CACNA2D3: variants seen among roughly 807,000 people sequenced by gnomAD.
CACNA2D3 encodes calcium voltage-gated channel auxiliary subunit alpha2delta 3.
In CACNA2D3, 60 loss-of-function variants were observed where a neutral mutation model predicts 160.6. The ratio of observed to expected loss-of-function variants is 0.37; its 90% CI spans 0.30 to 0.46. CACNA2D3 has a LOEUF of 0.46. Ranked by LOEUF, CACNA2D3 falls within the 20% of genes least tolerant of loss-of-function variation. CACNA2D3 has a pLI of 1.00. For missense variants in CACNA2D3, 1,205 were observed against 1,365.0 expected (o/e 0.88, Z 1.85); for synonymous variants, 558 against 492.9 (o/e 1.13, Z -1.75).
At chr3:54,905,653 A>G (rs1700435105) in intron 27 of CACNA2D3, among the ~76,000 whole-genome samples, 2 of 152,190 alleles carry the variant, frequency 1.3e-5, no homozygotes, top group Non-Finnish European at 2.9e-5. Flanking sequence ...TGGCACCATC[A>G]AAAAACATTT....
At chr3:54,672,758 G>A (rs1288550638) in intron 11 of CACNA2D3, among the ~76,000 whole-genome samples, 4 of 152,164 alleles carry the variant, frequency 2.6e-5, no homozygotes, top group Non-Finnish European at 5.9e-5. Context: ...CGGCTGTCCC[G>A]TGTGTGAGTT....
chr3:54,867,655 C>T (rs1428929205), intron 17 of CACNA2D3, among the ~76,000 whole-genome samples: 2 of 152,092 alleles, frequency 1.3e-5, no homozygotes, highest in Non-Finnish European at 2.9e-5. Context: ...TCAGGACTCT[C>T]TTCATATCTT....
chr3:54,368,911 C>G (rs1377071480), intron 3 of CACNA2D3, among the ~76,000 whole-genome samples: 1 of 151,570 alleles, frequency 6.6e-6, no homozygotes, highest in Non-Finnish European at 1.5e-5. Context: ...TTGTGTTAGC[C>G]AGGATAGTCT....
intron 11 of CACNA2D3, among the ~76,000 whole-genome samples, chr3:54,695,297 C>T (rs772827619): frequency 1.9e-4 from 29 of 152,232 alleles, no homozygotes; most frequent in Non-Finnish European, 3.1e-4. Flanking sequence ...GTATTAGAGG[C>T]ATGAGCCACC....
At chr3:54,800,484 A>G (rs1247015853) in intron 13 of CACNA2D3, among the ~76,000 whole-genome samples, 2 of 152,150 alleles carry the variant, frequency 1.3e-5, no homozygotes, top group Non-Finnish European at 2.9e-5. Context: ...TTTTAATTGG[A>G]ACCTTATTTT....
chr3:55,030,529 G>T (rs555055090), intron 35 of CACNA2D3, among the ~76,000 whole-genome samples: 144 of 152,242 alleles, frequency 9.5e-4, no homozygotes, highest in Non-Finnish European at 1.7e-3. Context: ...TTAAAAAGGG[G>T]AGGAAGAGGT....
chr3:54,239,120 G>A (rs923295038), intron 2 of CACNA2D3, among the ~76,000 whole-genome samples: 10 of 152,192 alleles, frequency 6.6e-5, no homozygotes, highest in African/African-American at 2.4e-4. Flanking sequence ...TAGGACAAAA[G>A]GCAGTATTGT....
chr3:54,888,173 C>T lies in CACNA2D3; in HGVS notation c.2150+121C>T. 3.8e-6 allele frequency: 3 copies of T among 787,238 alleles called. No individual in the cohort carries two copies. In the South Asian group the frequency reaches 5.1e-5, roughly 13 times the overall value. The allele number at this position is 787,238 out of a possible 1,614,324, so 48.8% of individuals were successfully genotyped here. ...TGGTGTTAAAGTTCTTTAATTTTCC[C>T]CCAAGCTCCAAACCACAAGAGCTAG... On this transcript the variant is annotated intron_variant, in intron 24 of 37. Transcript: ENST00000474759.
rs192025595 is a variant in CACNA2D3 at position 54,531,111 on chromosome 3, C to G, written c.544+27457C>G. The stretch of plus-strand genomic sequence containing the variant: ...GGCTTTTAAGATGTGATGGTTTGCT[C>G]TGTCTTGTGTGCTGGTCGAGGATGG... On this transcript the variant is annotated intron_variant, in intron 5 of 37. Coordinates refer to ENST00000474759, the MANE Select transcript of CACNA2D3 (RefSeq NM_018398.3). Among the ~76,000 whole-genome samples the G allele has an allele frequency of 6.4e-4, 98 of 152,382 alleles. 1 individual carries two copies. In the South Asian group the frequency reaches 0.02, roughly 31 times the overall value.
chr3:54,965,520 C>T (rs1408650108), intron 27 of CACNA2D3, among the ~76,000 whole-genome samples: 1 of 152,168 alleles, frequency 6.6e-6, no homozygotes, highest in African/African-American at 2.4e-5. Flanking sequence ...GTTCTTTATG[C>T]CTCTAGTGTA....
At chr3:54,463,784 C>G (rs1700555110) in intron 4 of CACNA2D3, among the ~76,000 whole-genome samples, 1 of 152,226 alleles carries the variant, frequency 6.6e-6, no homozygotes, top group Admixed American at 6.5e-5. Context: ...CAAAGTCATT[C>G]TCCATCCAGC....
intron 27 of CACNA2D3, among the ~76,000 whole-genome samples, chr3:54,941,502 A>G (rs893518632): frequency 2.0e-5 from 3 of 152,072 alleles, no homozygotes; most frequent in African/African-American, 4.8e-5. Context: ...TTCATTGTTC[A>G]TCGTTTTTAT....
Position 54,933,101 on chromosome 3 carries a change from CTTCCTTCCTTCCTTCTTTCT to C in CACNA2D3, c.2449+33234_2449+33253del, listed in dbSNP as rs1456124152. Among the ~76,000 whole-genome samples the C allele has an allele frequency of 1.1e-3, 103 of 91,816 alleles. 1 individual carries two copies. Among genetic ancestry groups the C allele is most frequent in the Non-Finnish European group, 1.7e-3 (78 of 47,238 alleles). 60.2% of individuals were successfully genotyped at this position (91,816 alleles called of 152,430 possible). On this transcript the variant is annotated intron_variant, in intron 27 of 37. Transcript: ENST00000474759. ...CCTTCCTTCCTTCCTTCCTTCCTTC[CTTCCTTCCTTCCTTCTTTCT>C]GGACCTCTGCCTTTGGATTTACTAT...
chr3:54,693,029 AAACC>A (rs748451791), intron 11 of CACNA2D3, among the ~76,000 whole-genome samples: 4 of 151,894 alleles, frequency 2.6e-5, no homozygotes, highest in African/African-American at 7.2e-5. Context: ...TGTAAAAAAA[AAACC>A]ACCACCACCA....
intron 27 of CACNA2D3, among the ~76,000 whole-genome samples, chr3:54,919,421 G>A (rs1348671822): frequency 6.6e-6 from 1 of 152,246 alleles, no homozygotes; most frequent in Non-Finnish European, 1.5e-5. Context: ...GTCTTGGAGT[G>A]ATCTGTGGAT....
At chr3:54,408,653 G>A (rs7630070) in intron 4 of CACNA2D3, among the ~76,000 whole-genome samples, 50,920 of 151,826 alleles carry the variant, frequency 0.34, 8,808 homozygotes, top group African/African-American at 0.4. Context: ...CTCTCATTCT[G>A]TTTTGTAGAA....
At chr3:54,572,856 TAAG>T (rs780094728) in intron 8 of CACNA2D3, among the ~76,000 whole-genome samples, 28 of 152,336 alleles carry the variant, frequency 1.8e-4, no homozygotes, top group South Asian at 4.1e-4. Context: ...ATTCACGTAA[TAAG>T]AAGAGCTAAC....
chr3:54,613,132 T>C (rs1210946909), intron 9 of CACNA2D3, among the ~76,000 whole-genome samples: 1 of 152,198 alleles, frequency 6.6e-6, no homozygotes, highest in African/African-American at 2.4e-5. Flanking sequence ...CACAGACCTC[T>C]TACAGTGTAC....
intron 9 of CACNA2D3, among the ~76,000 whole-genome samples, chr3:54,607,544 TA>T (rs201932503): frequency 6.6e-6 from 1 of 150,760 alleles, no homozygotes; most frequent in Non-Finnish European, 1.5e-5. Context: ...ATAGCCAGAG[TA>T]AAAAAAAATA....
Sources: allele counts gnomAD v4.1 joint callset (sites outside exome capture counted in the v4.1 genomes callset), GRCh38; gene constraint gnomAD v4.1.1; transcripts MANE v1.5; gene names NCBI Gene and HGNC (gene_info 2026-07-23, HGNC 2026-07-21).